Variants in CSMD3 observed in about 807,000 individuals in gnomAD.
CSMD3 encodes the protein CUB and sushi domain-containing protein 3.
In CSMD3, 177 loss-of-function variants were observed where a neutral mutation model predicts 435.2. The observed-to-expected ratio is 0.41, with a 90% CI of 0.36 to 0.46. The LOEUF (loss-of-function observed/expected upper bound fraction) is 0.46, where lower values mean the gene tolerates loss of function less well. Ranked by LOEUF, CSMD3 falls within the 20% of genes least tolerant of loss-of-function variation. The pLI, the probability that CSMD3 is intolerant of heterozygous loss-of-function variation, is 0.34. For missense variants in CSMD3, 4,265 were observed against 4,504.6 expected (o/e 0.95, Z 1.52); for synonymous variants, 1,656 against 1,520.5 (o/e 1.09, Z -2.07).
chr8:113,101,429 A>G (rs1394270), intron 4 of CSMD3, among the ~76,000 whole-genome samples: 102,022 of 151,852 alleles, frequency 0.67, 35,904 homozygotes, highest in East Asian at 0.95. Context: ...CTTTGGGTTC[A>G]CAATAGACAT....
At chr8:113,288,515 C>A (rs1218562057) in intron 2 of CSMD3, among the ~76,000 whole-genome samples, 1 of 151,818 alleles carries the variant, frequency 6.6e-6, no homozygotes, top group Non-Finnish European at 1.5e-5. Context: ...TGTCCCCCTT[C>A]TTATTTTTTC....
In CSMD3 at chr8:112,253,744, T is replaced by C. The variant is rs138958940; in HGVS notation, c.10110+509A>G. 1.9e-3 allele frequency among the ~76,000 whole-genome samples: 296 copies of C among 152,156 alleles called. 1 individual carries two copies. The highest frequency in any genetic ancestry group is 6.7e-3 in the African/African-American group (278 of 41,562). Reference sequence around the variant, plus strand: ...TCTAATGTAACAATTCAACTATGTGTTGTATAGCAACAGGTTCTGGTTATT... The same window carrying C: ...TCTAATGTAACAATTCAACTATGTGCTGTATAGCAACAGGTTCTGGTTATT... On this transcript the variant is annotated intron_variant, in intron 63 of 70. Transcript: ENST00000297405.
chr8:112,925,787 T>C (rs2082891810), intron 9 of CSMD3, among the ~76,000 whole-genome samples: 1 of 152,242 alleles, frequency 6.6e-6, no homozygotes, highest in African/African-American at 2.4e-5. Context: ...AAATGCATCA[T>C]ATATGACATT....
chr8:112,897,690 CTCTCTGTGTGTGTGTGTGTG>C (rs1401145469), intron 10 of CSMD3, among the ~76,000 whole-genome samples: 1 of 125,090 alleles, frequency 8.0e-6, no homozygotes, highest in Non-Finnish European at 1.7e-5. Context: ...CTCTCTCTCT[CTCTCTGTGTGTGTGTGTGTG>C]TGTGTGTGTG....
intron 22 of CSMD3, among the ~76,000 whole-genome samples, chr8:112,603,359 G>C (rs1207382580): frequency 6.6e-6 from 1 of 152,182 alleles, no homozygotes; most frequent in African/African-American, 2.4e-5. Context: ...TTACTGGAGA[G>C]ACAAATTGCT....
chr8:112,358,015 G>A (rs55964861), intron 38 of CSMD3, among the ~76,000 whole-genome samples: 27,322 of 152,060 alleles, frequency 0.18, 3,032 homozygotes, highest in Middle Eastern at 0.35. Context: ...AATGTTAGCA[G>A]ACAGGAGTGA....
At chr8:113,234,875 G>A (rs2093129814) in intron 3 of CSMD3, among the ~76,000 whole-genome samples, 1 of 152,076 alleles carries the variant, frequency 6.6e-6, no homozygotes, top group Admixed American at 6.6e-5. Flanking sequence ...TGGGTTTCTG[G>A]GTTTTCTGGG....
chr8:112,588,610 T>C (rs1830925100), intron 22 of CSMD3, among the ~76,000 whole-genome samples: 1 of 152,038 alleles, frequency 6.6e-6, no homozygotes, highest in South Asian at 2.1e-4. Context: ...AGGAACAAAA[T>C]GACAAAAACA....
At chr8:113,266,454 G>A (rs1466542948) in intron 3 of CSMD3, among the ~76,000 whole-genome samples, 3 of 151,114 alleles carry the variant, frequency 2.0e-5, no homozygotes, top group African/African-American at 7.3e-5. Context: ...AATCTAAGTG[G>A]AATCACAGCT....
intron 13 of CSMD3, among the ~76,000 whole-genome samples, chr8:112,798,336 A>AT (rs1019198028): frequency 6.6e-5 from 10 of 151,706 alleles, no homozygotes; most frequent in African/African-American, 1.9e-4. Context: ...ATGTATGGAG[A>AT]TTTTTTATTT....
chr8:112,868,561 G>A (rs188833277), intron 10 of CSMD3, among the ~76,000 whole-genome samples: 6 of 152,018 alleles, frequency 3.9e-5, no homozygotes, highest in South Asian at 4.2e-4. Flanking sequence ...TAAATTTTTC[G>A]GCTTCATTAT....
intron 1 of CSMD3, among the ~76,000 whole-genome samples, chr8:113,407,115 A>C (rs2129717466): frequency 6.6e-6 from 1 of 152,302 alleles, no homozygotes; most frequent in East Asian, 1.9e-4. Context: ...GCTGTTACTA[A>C]AAATCAGATT....
Position 112,685,530 on chromosome 8 carries a change from T to G in CSMD3, c.2358A>C (p.Pro786=). The G allele has an allele frequency of 6.2e-7, 1 of 1,613,996 alleles. No individual in the cohort carries two copies. The highest frequency in any genetic ancestry group is 8.5e-7 in the Non-Finnish European group (1 of 1,179,930). ...AVKDGDSPES[P]ILGTFTGAEV... is the part of the protein sequence containing the mutation. ...CAGCCCCAGTAAAGGTTCCAAGAAT[T>G]GGGGATTCTGGAGAGTCACCATCTT... The change falls in exon 15 of 71, where the codon CCA becomes CCC. Residue 786 remains proline (P), a synonymous_variant. Coordinates refer to ENST00000297405, the MANE Select transcript of CSMD3 (RefSeq NM_198123.2).
intron 25 of CSMD3, among the ~76,000 whole-genome samples, chr8:112,556,289 T>C (rs1049105513): frequency 3.3e-5 from 5 of 152,016 alleles, no homozygotes; most frequent in African/African-American, 2.4e-5. Flanking sequence ...CAATATATCT[T>C]ATGTCACTCT....
intron 23 of CSMD3, among the ~76,000 whole-genome samples, chr8:112,577,097 T>C (rs983245784): frequency 6.6e-6 from 1 of 152,090 alleles, no homozygotes; most frequent in African/African-American, 2.4e-5. Flanking sequence ...CATTCAACTG[T>C]TAAATTTTGG....
intron 1 of CSMD3, among the ~76,000 whole-genome samples, chr8:113,372,393 T>A (rs746027445): frequency 6.6e-6 from 1 of 152,160 alleles, no homozygotes; most frequent in Admixed American, 6.5e-5. Flanking sequence ...AATCCATTAA[T>A]ATTTTGGGCT....
chr8:112,819,134 C>T (rs1470165325), intron 12 of CSMD3, among the ~76,000 whole-genome samples: 1 of 152,142 alleles, frequency 6.6e-6, no homozygotes, highest in Non-Finnish European at 1.5e-5. Context: ...ACCTGTGCAT[C>T]CCTAGGTGCA....
chr8:112,527,922 G>A lies in CSMD3; in HGVS notation c.4565-10697C>T, dbSNP rs80134738. Among the ~76,000 whole-genome samples the A allele has an allele frequency of 1.2e-3, 180 of 152,162 alleles. 5 individuals are homozygous for A. In the East Asian group the frequency reaches 0.034, roughly 28 times the overall value. ...CTATTTGTGAAGTTCTGCTAAGGGA[G>A]CTGGCATATTAACACTCTTCATACT... On this transcript the variant is annotated intron_variant, in intron 27 of 70. Coordinates refer to ENST00000297405, the MANE Select transcript of CSMD3 (RefSeq NM_198123.2).
intron 5 of CSMD3, among the ~76,000 whole-genome samples, chr8:113,048,635 A>G (rs1230062459): frequency 6.6e-6 from 1 of 151,530 alleles, no homozygotes; most frequent in Non-Finnish European, 1.5e-5. Context: ...TTTATTAAAC[A>G]TGATTGCATT....
Sources: allele counts gnomAD v4.1 joint callset (sites outside exome capture counted in the v4.1 genomes callset), GRCh38; gene constraint gnomAD v4.1.1; transcripts MANE v1.5; gene names NCBI Gene and HGNC (gene_info 2026-07-23, HGNC 2026-07-21).